Variants in STXBP4 observed in about 807,000 individuals in gnomAD.
STXBP4 encodes syntaxin binding protein 4.
STXBP4 carries 55 observed loss-of-function variants against 76.1 expected under a neutral mutation model. That is an observed-to-expected ratio of 0.72 (90% CI 0.58 to 0.91). The LOEUF (loss-of-function observed/expected upper bound fraction) is 0.91, where lower values mean the gene tolerates loss of function less well. Ranked by LOEUF, STXBP4 falls within the 40% of genes least tolerant of loss-of-function variation. The pLI is 0.00. For synonymous variants in STXBP4, 201 were observed against 220.2 expected (o/e 0.91, Z 0.77); for missense variants, 618 against 636.9 (o/e 0.97, Z 0.32).
intron 8 of STXBP4, among the ~76,000 whole-genome samples, chr17:55,022,355 G>T (rs1160013698): frequency 6.6e-6 from 1 of 151,728 alleles, no homozygotes; most frequent in Non-Finnish European, 1.5e-5. Context: ...GGCAATGAAG[G>T]AGGTTGTCAG....
intron 9 of STXBP4, among the ~76,000 whole-genome samples, chr17:55,032,163 T>C (rs2078520202): frequency 6.6e-6 from 1 of 152,218 alleles, no homozygotes; most frequent in Non-Finnish European, 1.5e-5. Context: ...TATAACACTT[T>C]TTGTCTTCTT....
At chr17:54,977,069 C>T (rs924127358) in intron 1 of STXBP4, among the ~76,000 whole-genome samples, 11 of 152,154 alleles carry the variant, frequency 7.2e-5, no homozygotes, top group African/African-American at 2.7e-4. Flanking sequence ...AAGCCTTCTT[C>T]CCTGGCAATA....
intron 1 of STXBP4, among the ~76,000 whole-genome samples, chr17:54,984,156 G>A (rs548469870): frequency 1.3e-5 from 2 of 152,038 alleles, no homozygotes; most frequent in Non-Finnish European, 2.9e-5. Context: ...AAAGTAGTTG[G>A]CTCTGTGTTT....
the STXBP4 span, among the ~76,000 whole-genome samples, chr17:55,187,160 T>C: frequency 1.3e-5 from 2 of 152,184 alleles, no homozygotes; most frequent in Non-Finnish European, 2.9e-5. Context: ...CTGACTGGTA[T>C]GCTTTCCCTC....
chr17:55,055,591 C>A (rs1401940023), intron 12 of STXBP4, among the ~76,000 whole-genome samples: 1 of 152,148 alleles, frequency 6.6e-6, no homozygotes, highest in African/African-American at 2.4e-5. Flanking sequence ...CCAGGACTTT[C>A]CATCTCAGTC....
intron 17 of STXBP4, among the ~76,000 whole-genome samples, chr17:55,141,585 C>A (rs2080094978): frequency 6.6e-6 from 1 of 152,070 alleles, no homozygotes; most frequent in Non-Finnish European, 1.5e-5. Flanking sequence ...AGGGAAACAT[C>A]AAAAAATTGG....
intron 1 of STXBP4, among the ~76,000 whole-genome samples, chr17:54,969,473 C>T (rs892661384): frequency 5.3e-5 from 8 of 152,142 alleles, no homozygotes; most frequent in Non-Finnish European, 2.9e-5. Context: ...GGATTTTTAC[C>T]CGGGTCCTCA....
intron 16 of STXBP4, among the ~76,000 whole-genome samples, chr17:55,119,879 T>C (rs1018574486): frequency 1.3e-5 from 2 of 152,102 alleles, no homozygotes; most frequent in African/African-American, 2.4e-5. Flanking sequence ...AAATGAGTCT[T>C]TGGATATTTT....
rs114215052 is a variant in STXBP4, at chr17:55,071,264, C to T, written c.1012-1636C>T. Among the ~76,000 whole-genome samples, 807 of 152,248 alleles carry T rather than the reference C, an allele frequency of 5.3e-3. 8 individuals carry two copies. Among genetic ancestry groups the T allele is most frequent in the African/African-American group, 0.017 (720 of 41,556 alleles). Reference sequence around the variant, plus strand: ...CTGAGTAAAACCAAAGTCCTTGCAACGGCCTACAAATTCTCTTAGCCTCTG... The same window carrying T: ...CTGAGTAAAACCAAAGTCCTTGCAATGGCCTACAAATTCTCTTAGCCTCTG... On this transcript the variant is annotated intron_variant, in intron 12 of 17. Coordinates refer to ENST00000376352, the MANE Select transcript of STXBP4 (RefSeq NM_178509.6).
chr17:55,067,854 G>A (rs1220925587), intron 12 of STXBP4, among the ~76,000 whole-genome samples: 1 of 152,080 alleles, frequency 6.6e-6, no homozygotes, highest in African/African-American at 2.4e-5. Flanking sequence ...ACTTCACAGT[G>A]CTTAATTACT....
At position 55,168,489 on chromosome 17, in the gene STXBP4, C is replaced by T. The variant is rs2080389565; in HGVS notation, c.*8578C>T. ...ATTAGTATTTCATCAGTTATAAGACCCATCATTATTTTGTGTGTAACTGAA... is the reference window on the plus strand; with the variant it reads ...ATTAGTATTTCATCAGTTATAAGACTCATCATTATTTTGTGTGTAACTGAA... On this transcript the variant is annotated 3_prime_UTR_variant, in exon 18 of 18. Transcript: ENST00000376352. The T allele has an allele frequency of 6.6e-6, 1 of 151,650 alleles. No individual in the cohort carries two copies. Among genetic ancestry groups the T allele is most frequent in the Admixed American group, 6.6e-5 (1 of 15,238 alleles). The allele number at this position is 151,650 out of a possible 1,614,324, so 9.4% of individuals were successfully genotyped here.
rs1341961559 is a variant in STXBP4 at position 55,078,145 on chromosome 17, C to T, written c.1256C>T (p.Ala419Val). The T allele has an allele frequency of 6.2e-7, 1 of 1,612,052 alleles. No individual in the cohort carries two copies. The highest frequency in any genetic ancestry group is 2.2e-5 in the East Asian group (1 of 44,694). ...TGCCAATTACGAAAATCAGAAATGG[C>T]TCGAAAAACTTTTGAGGCATCCACT... ...LDCQLRKSEM[A>V]RKTFEASTEK... The change falls in exon 14 of 18, where the codon GCT (alanine) becomes GTT (valine). Residue 419 changes from alanine (A) to valine (V), a missense_variant. Physicochemically the swap from Ala to Val is moderately conservative, Grantham distance 64. Coordinates refer to ENST00000376352, the MANE Select transcript of STXBP4 (RefSeq NM_178509.6).
chr17:55,023,696 AAAG>A (rs1347118178), intron 8 of STXBP4, among the ~76,000 whole-genome samples: 7 of 152,134 alleles, frequency 4.6e-5, no homozygotes, highest in East Asian at 1.9e-4. Flanking sequence ...GGAAGAAAAA[AAAG>A]AAGAATGGGT....
intron 16 of STXBP4, among the ~76,000 whole-genome samples, chr17:55,129,355 A>G (rs2079949528): frequency 6.6e-6 from 1 of 152,084 alleles, no homozygotes; most frequent in Non-Finnish European, 1.5e-5. Context: ...CACAAGATGA[A>G]ATAGAAAACT....
At chr17:55,015,519 T>C (rs977054941) in intron 8 of STXBP4, among the ~76,000 whole-genome samples, 4 of 152,214 alleles carry the variant, frequency 2.6e-5, no homozygotes, top group Admixed American at 6.5e-5. Flanking sequence ...GTCCTAACCC[T>C]TGTAAAGCAT....
rs1182639587 is a variant in STXBP4 at position 55,169,606 on chromosome 17, C to T, written c.*9695C>T. ...ATGTGAAAAATGTGTGTCTTAGAAT[C>T]GATAAAATATGGTATAGAGAATCAA... On this transcript the variant is annotated 3_prime_UTR_variant, in exon 18 of 18. Transcript: ENST00000376352. The T allele has an allele frequency of 1.3e-5, 2 of 152,094 alleles. No individual in the cohort carries two copies. The highest frequency in any genetic ancestry group is 4.8e-5 in the African/African-American group (2 of 41,392). The allele number at this position is 152,094 out of a possible 1,614,324, so 9.4% of individuals were successfully genotyped here.
rs117207960 is a variant in STXBP4, at chr17:55,026,003, A to G, written c.667-5165A>G. Among the ~76,000 whole-genome samples the G allele has an allele frequency of 1.5e-3, 230 of 152,306 alleles. 5 individuals are homozygous for G. In the East Asian group the frequency reaches 0.043, roughly 29 times the overall value. ...ATACACTAACAATGCACAGTGGACA[A>G]TCTTTTACAATAGCATCTAAAAGAA... On this transcript the variant is annotated intron_variant, in intron 8 of 17. Transcript: ENST00000376352.
At chr17:55,012,665 A>G (rs2078135906) in intron 8 of STXBP4, among the ~76,000 whole-genome samples, 1 of 152,162 alleles carries the variant, frequency 6.6e-6, no homozygotes, top group Non-Finnish European at 1.5e-5. Context: ...TCCTAATTCT[A>G]GTGCCCCAAT....
intron 16 of STXBP4, among the ~76,000 whole-genome samples, chr17:55,136,420 T>C (rs1401593477): frequency 6.6e-6 from 1 of 152,136 alleles, no homozygotes; most frequent in African/African-American, 2.4e-5. Flanking sequence ...AATTAAAATA[T>C]TTAAACTGAA....
Sources: allele counts gnomAD v4.1 joint callset (sites outside exome capture counted in the v4.1 genomes callset), GRCh38; gene constraint gnomAD v4.1.1; transcripts MANE v1.5; gene names NCBI Gene and HGNC (gene_info 2026-07-23, HGNC 2026-07-21).